PIK3R1: variants seen among roughly 807,000 people sequenced by gnomAD.
PIK3R1 encodes phosphatidylinositol 3-kinase regulatory subunit alpha.
A neutral mutation model predicts 98.0 loss-of-function variants in PIK3R1; 29 were observed. That is an observed-to-expected ratio of 0.30 (90% CI 0.22 to 0.40). The LOEUF is 0.40. Among genes scored for constraint, PIK3R1 ranks in the 10% least tolerant of loss-of-function variants. The pLI is 1.00. For synonymous variants in PIK3R1, 282 were observed against 311.8 expected (o/e 0.90, Z 1.01); for missense variants, 596 against 872.7 (o/e 0.68, Z 3.99).
chr5:68,264,807 C>G (rs1746054572), intron 2 of PIK3R1, among the ~76,000 whole-genome samples: 1 of 152,110 alleles, frequency 6.6e-6, no homozygotes, highest in Non-Finnish European at 1.5e-5. Flanking sequence ...TCACATAATC[C>G]CTCCCCACTC....
At chr5:68,274,638 TTA>T (rs1746500114) in intron 4 of PIK3R1, among the ~76,000 whole-genome samples, 2 of 152,180 alleles carry the variant, frequency 1.3e-5, no homozygotes, top group African/African-American at 4.8e-5. Context: ...CCACCGGGGC[TTA>T]TTTCAAGCTA....
chr5:68,238,851 A>G (rs879704751), intron 2 of PIK3R1, among the ~76,000 whole-genome samples: 1 of 152,322 alleles, frequency 6.6e-6, no homozygotes, highest in Non-Finnish European at 1.5e-5. Context: ...TGTGAAATCA[A>G]TGAAAAATAT....
chr5:68,237,891 G>A (rs1744725488), intron 2 of PIK3R1, among the ~76,000 whole-genome samples: 1 of 152,140 alleles, frequency 6.6e-6, no homozygotes, highest in Non-Finnish European at 1.5e-5. Context: ...AAAGGGCCCA[G>A]GGAACTGTCC....
At chr5:68,230,084 C>A (rs1298913783) in intron 2 of PIK3R1, among the ~76,000 whole-genome samples, 1 of 152,184 alleles carries the variant, frequency 6.6e-6, no homozygotes, top group African/African-American at 2.4e-5. Flanking sequence ...ACCTTTGGAG[C>A]TGTGCTTTTT....
At chr5:68,295,038 C>A in intron 12 of PIK3R1, 110 bp from the exon 13 acceptor site, 1 of 710,972 alleles carries the variant, frequency 1.4e-6, no homozygotes, top group Non-Finnish European at 2.1e-6. Context: ...AGAGAAGCCA[C>A]GCTTTACCTA....
chr5:68,223,243 T>C (rs568951736), intron 1 of PIK3R1, among the ~76,000 whole-genome samples: 2 of 152,140 alleles, frequency 1.3e-5, no homozygotes, highest in African/African-American at 2.4e-5. Flanking sequence ...AAAATGGACA[T>C]GGCAGTCAGG....
At chr5:68,249,434 G>A (rs562240693) in intron 2 of PIK3R1, among the ~76,000 whole-genome samples, 60 of 152,222 alleles carry the variant, frequency 3.9e-4, no homozygotes, top group African/African-American at 1.4e-3. Flanking sequence ...CCAGATGTAC[G>A]GGGTTGTTAA....
chr5:68,246,769 G>A (rs1051938020), intron 2 of PIK3R1, among the ~76,000 whole-genome samples: 7 of 152,206 alleles, frequency 4.6e-5, no homozygotes, highest in Non-Finnish European at 7.3e-5. Context: ...GACTGCAGGC[G>A]CCTGCCACCA....
At chr5:68,285,796 A>G (rs1388284262) in intron 7 of PIK3R1, among the ~76,000 whole-genome samples, 1 of 152,218 alleles carries the variant, frequency 6.6e-6, no homozygotes, top group East Asian at 1.9e-4. Context: ...GCTTATTTAT[A>G]TACTTAAATG....
intron 2 of PIK3R1, among the ~76,000 whole-genome samples, chr5:68,229,513 TA>T (rs1348549638): frequency 3.3e-5 from 5 of 151,982 alleles, no homozygotes; most frequent in Non-Finnish European, 5.9e-5. Context: ...TTTAGAAGGT[TA>T]TTCCTCACCA....
intron 7 of PIK3R1, among the ~76,000 whole-genome samples, chr5:68,283,816 C>T (rs895801783): frequency 2.6e-5 from 4 of 152,222 alleles, no homozygotes; most frequent in Non-Finnish European, 2.9e-5. Flanking sequence ...TTCTATCTGC[C>T]ATGCCCTGCT....
chr5:68,225,882 T>C (rs1377359229), intron 1 of PIK3R1, among the ~76,000 whole-genome samples: 1 of 152,220 alleles, frequency 6.6e-6, no homozygotes, highest in African/African-American at 2.4e-5. Context: ...GACATTTTCT[T>C]GGTCACTTCT....
At chr5:68,270,244 G>A (rs565102051) in intron 2 of PIK3R1, among the ~76,000 whole-genome samples, 18 of 151,828 alleles carry the variant, frequency 1.2e-4, no homozygotes, top group South Asian at 2.1e-4. Context: ...ACTTTTTGCC[G>A]AAAAAACATT....
At chr5:68,231,628 A>G (rs1477912111) in intron 2 of PIK3R1, among the ~76,000 whole-genome samples, 1 of 152,128 alleles carries the variant, frequency 6.6e-6, no homozygotes, top group Non-Finnish European at 1.5e-5. Flanking sequence ...CTGATCCCAA[A>G]TTACACACCT....
rs142988516 is a variant in PIK3R1 at position 68,294,969 on chromosome 5, AAAAATAAAAT to A, written c.1569-167_1569-158del. ...AAAACTTAAAGTATAATAAAAATAA[AAAAATAAAAT>A]AAAATAAAATATGTTGAGCCACTCC... On this transcript the variant is annotated intron_variant, in intron 12 of 15. Coordinates refer to ENST00000521381, the MANE Select transcript of PIK3R1 (RefSeq NM_181523.3). Among the ~76,000 whole-genome samples the A allele has an allele frequency of 1.7e-3, 243 of 146,110 alleles. 2 individuals are homozygous for A. Among genetic ancestry groups the A allele is most frequent in the African/African-American group, 6.0e-3 (235 of 39,294 alleles).
intron 12 of PIK3R1, 82 bp from the exon 13 acceptor site, chr5:68,295,066 A>C: frequency 8.5e-7 from 1 of 1,172,630 alleles, no homozygotes; most frequent in East Asian, 2.6e-5. Flanking sequence ...CTGCTGGGAA[A>C]CCATAGTGAA....
intron 2 of PIK3R1, among the ~76,000 whole-genome samples, chr5:68,263,018 G>T (rs199680845): frequency 3.4e-5 from 2 of 58,034 alleles, no homozygotes; most frequent in Non-Finnish European, 7.5e-5. Flanking sequence ...TATACATGTA[G>T]ATACATGTAG....
chr5:68,250,751 A>G (rs1310421466), intron 2 of PIK3R1, among the ~76,000 whole-genome samples: 1 of 152,196 alleles, frequency 6.6e-6, no homozygotes, highest in Non-Finnish European at 1.5e-5. Flanking sequence ...TCCTATTATT[A>G]GCATTCAGCC....
intron 2 of PIK3R1, among the ~76,000 whole-genome samples, chr5:68,249,367 A>G (rs1745215678): frequency 6.6e-6 from 1 of 152,080 alleles, no homozygotes; most frequent in South Asian, 2.1e-4. Flanking sequence ...TCTCTCAACC[A>G]TCAGTTCTAT....
Sources: gnomAD v4.1 joint callset for allele counts (sites outside exome capture counted in the v4.1 genomes callset) on GRCh38, gnomAD v4.1.1 for gene constraint, MANE v1.5 for transcripts, NCBI Gene and HGNC (gene_info 2026-07-23, HGNC 2026-07-21) for gene names.